Variants in KCNK10 observed in about 807,000 individuals in gnomAD.
KCNK10 encodes the protein potassium channel subfamily K member 10.
A neutral mutation model predicts 47.7 loss-of-function variants in KCNK10; 25 were observed. The ratio of observed to expected loss-of-function variants is 0.52; its 90% CI spans 0.38 to 0.73. The LOEUF is 0.73. KCNK10 is among the 30% of genes least tolerant of loss of function. The pLI is 0.00. For missense variants in KCNK10, 563 were observed against 714.5 expected (o/e 0.79, Z 2.42); for synonymous variants, 303 against 285.6 (o/e 1.06, Z -0.61).
intron 1 of KCNK10, among the ~76,000 whole-genome samples, chr14:88,272,482 G>C (rs1025322837): frequency 4.6e-5 from 7 of 151,878 alleles, no homozygotes; most frequent in East Asian, 2.0e-4. Context: ...GAACAGCAAT[G>C]GGGGGGCAAC....
intron 1 of KCNK10, among the ~76,000 whole-genome samples, chr14:88,298,164 C>T (rs1239950538): frequency 2.0e-5 from 3 of 152,262 alleles, no homozygotes; most frequent in Admixed American, 6.5e-5. Flanking sequence ...AAATGAGTTA[C>T]TCAAATGACT....
At chr14:88,262,031 T>C (rs1332317288) in intron 2 of KCNK10, among the ~76,000 whole-genome samples, 2 of 152,188 alleles carry the variant, frequency 1.3e-5, no homozygotes, top group African/African-American at 4.8e-5. Context: ...TCCCCTACTC[T>C]ATTGGTATGG....
intron 4 of KCNK10, among the ~76,000 whole-genome samples, chr14:88,223,308 CT>C (rs77234836): frequency 0.021 from 2,773 of 134,794 alleles, 12 homozygotes; most frequent in Middle Eastern, 0.058. Context: ...CTTTAAAAAC[CT>C]TTTTTTTTTT....
intron 4 of KCNK10, among the ~76,000 whole-genome samples, chr14:88,220,902 T>C (rs1404615340): frequency 6.6e-6 from 1 of 151,722 alleles, no homozygotes; most frequent in Admixed American, 6.6e-5. Context: ...AAAGACACTA[T>C]CAAGAGAATG....
At chr14:88,229,799 A>G (rs1886104790) in intron 3 of KCNK10, among the ~76,000 whole-genome samples, 1 of 152,026 alleles carries the variant, frequency 6.6e-6, no homozygotes, top group Non-Finnish European at 1.5e-5. Context: ...CAGCACTTAC[A>G]CTTTGGAGCT....
Position 88,286,737 on chromosome 14 carries a change from T to C in KCNK10, c.53-23186A>G, listed in dbSNP as rs982001306. Among the ~76,000 whole-genome samples, 22 of 152,262 alleles carry C rather than the reference T, an allele frequency of 1.4e-4. No homozygotes were observed. In the East Asian group the frequency reaches 4.3e-3, roughly 29 times the overall value. On this transcript the variant is annotated intron_variant, in intron 1 of 6. Transcript: ENST00000319231. ...ATCAAGTGAAAGGGAAAACCCCTTA[T>C]AAAACCATTAGATTTCATGAGACTT...
In KCNK10 at chr14:88,186,613, C is replaced by T. The variant is rs1884571319; in HGVS notation, c.1012-458G>A. On this transcript the variant is annotated intron_variant, in intron 6 of 6. Transcript: ENST00000319231. The surrounding 1 kb of genome is among the most constrained non-coding windows in gnomAD (Gnocchi z 5.5). ...CAGCAGATGTTCAGCAGGCCTTCTG[C>T]CCTCCCTGCCTTTCTGGTTTTCTAT... Among the ~76,000 whole-genome samples the T allele has an allele frequency of 6.6e-6, 1 of 151,882 alleles. No homozygotes were observed. The highest frequency in any genetic ancestry group is 1.9e-4 in the East Asian group (1 of 5,144).
intron 2 of KCNK10, among the ~76,000 whole-genome samples, chr14:88,243,788 G>T (rs1478818471): frequency 6.6e-6 from 1 of 151,494 alleles, no homozygotes; most frequent in African/African-American, 2.4e-5. Context: ...GACAAAAAGG[G>T]GTGTCAACTG....
chr14:88,256,562 T>C (rs1423589602), intron 2 of KCNK10, among the ~76,000 whole-genome samples: 4 of 152,116 alleles, frequency 2.6e-5, no homozygotes, highest in African/African-American at 9.7e-5. Context: ...CTGTGCTGAT[T>C]CCCTGAGCTC....
intron 3 of KCNK10, among the ~76,000 whole-genome samples, chr14:88,240,149 G>A (rs1225385811): frequency 6.6e-6 from 1 of 152,040 alleles, no homozygotes; most frequent in Non-Finnish European, 1.5e-5. Context: ...AGGCAGGCAG[G>A]AAGAAGGAAC....
At chr14:88,214,925 A>G (rs1445833845) in intron 4 of KCNK10, among the ~76,000 whole-genome samples, 1 of 152,194 alleles carries the variant, frequency 6.6e-6, no homozygotes, top group Non-Finnish European at 1.5e-5. Flanking sequence ...ATTGCAAGAG[A>G]AAGAAGAAAG....
At chr14:88,200,152 TTTCC>T (rs368134795) in intron 4 of KCNK10, among the ~76,000 whole-genome samples, 8 of 152,076 alleles carry the variant, frequency 5.3e-5, no homozygotes, top group South Asian at 2.1e-4. Context: ...TCCTTTCTTC[TTTCC>T]TTCCTTCCTT....
intron 2 of KCNK10, among the ~76,000 whole-genome samples, chr14:88,245,268 G>C (rs1240034130): frequency 6.6e-6 from 1 of 152,152 alleles, no homozygotes; most frequent in Non-Finnish European, 1.5e-5. Flanking sequence ...AAGAGGTGGA[G>C]AGCTGACTTG....
At chr14:88,309,556 T>C (rs1313796519) in intron 1 of KCNK10, among the ~76,000 whole-genome samples, 1 of 152,204 alleles carries the variant, frequency 6.6e-6, no homozygotes, top group East Asian at 1.9e-4. Context: ...GAGCTGTGAT[T>C]GCACCGCTGC....
intron 1 of KCNK10, among the ~76,000 whole-genome samples, chr14:88,320,959 T>C (rs1484661287): frequency 2.0e-5 from 3 of 152,208 alleles, no homozygotes; most frequent in Non-Finnish European, 1.5e-5. Context: ...ACACAAGCCC[T>C]CTTGCTCTCT....
intron 3 of KCNK10, among the ~76,000 whole-genome samples, chr14:88,229,360 C>T (rs1368633278): frequency 1.3e-5 from 2 of 152,100 alleles, no homozygotes; most frequent in East Asian, 1.9e-4. Flanking sequence ...CCACCTCACA[C>T]TACCTGGTTC....
Position 88,287,864 on chromosome 14 carries a change from A to C in KCNK10, c.53-24313T>G, listed in dbSNP as rs377023082. Among the ~76,000 whole-genome samples, 5 of 152,246 alleles carry C rather than the reference A, an allele frequency of 3.3e-5. No individual in the cohort carries two copies. In the South Asian group the frequency reaches 1.0e-3, roughly 32 times the overall value. On this transcript the variant is annotated intron_variant, in intron 1 of 6. Transcript: ENST00000319231. The stretch of plus-strand genomic sequence containing the variant: ...ATGACTTCTTTTCCTCTAGGTATGC[A>C]CCCAGGAGTGGGATTGTTGGATCAA...
intron 5 of KCNK10, among the ~76,000 whole-genome samples, chr14:88,189,011 C>T (rs1438673863): frequency 1.3e-5 from 2 of 152,210 alleles, no homozygotes; most frequent in African/African-American, 4.8e-5. Context: ...CTGGGAAACG[C>T]TATTGCCTAA....
intron 1 of KCNK10, among the ~76,000 whole-genome samples, chr14:88,298,976 T>G (rs574056467): frequency 6.6e-6 from 1 of 152,262 alleles, no homozygotes; most frequent in South Asian, 2.1e-4. Context: ...GCCTTTTGTA[T>G]GATCCCATCT....
Sources: gnomAD v4.1 joint callset for allele counts (sites outside exome capture counted in the v4.1 genomes callset) on GRCh38, gnomAD v4.1.1 for gene constraint, Gnocchi (gnomAD v3.1) non-coding constraint, MANE v1.5 for transcripts, NCBI Gene and HGNC (gene_info 2026-07-23, HGNC 2026-07-21) for gene names.